The following ARMC12 variants were observed in gnomAD, a reference collection of about 807,000 sequenced individuals.
The protein encoded by ARMC12 is armadillo repeat-containing protein 12.
In ARMC12, 25 loss-of-function variants were observed where a neutral mutation model predicts 37.4. That is an observed-to-expected ratio of 0.67 (90% CI 0.49 to 0.93). ARMC12 has a LOEUF of 0.93. Among genes scored for constraint, ARMC12 ranks in the 40% least tolerant of loss-of-function variants. The pLI is 0.00. For synonymous variants in ARMC12, 167 were observed against 176.1 expected (o/e 0.95, Z 0.41); for missense variants, 384 against 426.6 (o/e 0.90, Z 0.88).
intron 3 of ARMC12, among the ~76,000 whole-genome samples, chr6:35,743,977 T>C (rs947934503): frequency 1.3e-5 from 2 of 149,980 alleles, no homozygotes; most frequent in Non-Finnish European, 3.0e-5. Context: ...AAAAAGAAAA[T>C]CTTTTGAGAT....
At chr6:35,748,269 A>G (rs899387227) in intron 5 of ARMC12, among the ~76,000 whole-genome samples, 1 of 152,332 alleles carries the variant, frequency 6.6e-6, no homozygotes, top group South Asian at 2.1e-4. Context: ...AAGCACACAC[A>G]CAATACTTAA....
At chr6:35,735,860 C>T (rs1391012585), upstream of ARMC12, 3 of 152,372 alleles carry the variant, frequency 2.0e-5, no homozygotes, top group East Asian at 1.9e-4. The surrounding 1 kb of genome is among the most constrained non-coding windows in gnomAD (Gnocchi z 4.0). Context: ...TCACAAGCCG[C>T]CTCATATCCC....
intron 3 of ARMC12, among the ~76,000 whole-genome samples, chr6:35,740,651 C>A (rs114498464): frequency 1.6e-3 from 242 of 152,316 alleles, no homozygotes; most frequent in African/African-American, 5.1e-3. Context: ...CTGCCTCCCC[C>A]ACCAGAGGCA....
intron 3 of ARMC12, among the ~76,000 whole-genome samples, chr6:35,740,897 G>GTTTTTTTTTT (rs11365534): frequency 8.6e-6 from 1 of 116,396 alleles, no homozygotes; most frequent in African/African-American, 3.4e-5. Flanking sequence ...CTTCCTTCTG[G>GTTTTTTTTTT]TTTTTTTTTT....
chr6:35,746,566 G>C (rs1767343024), intron 3 of ARMC12, among the ~76,000 whole-genome samples: 1 of 152,188 alleles, frequency 6.6e-6, no homozygotes, highest in African/African-American at 2.4e-5. Context: ...AGGGAGACAG[G>C]AGGCTATTGC....
the ARMC12 span, among the ~76,000 whole-genome samples, chr6:35,731,877 A>AC: frequency 1.3e-5 from 2 of 151,694 alleles, no homozygotes; most frequent in African/African-American, 4.8e-5. Flanking sequence ...GAAGGATGGG[A>AC]CCCCCGCCTA....
At chr6:35,747,162 C>A in intron 3 of ARMC12, 99 bp from the exon 4 acceptor site, 1 of 1,401,572 alleles carries the variant, frequency 7.1e-7, no homozygotes. Context: ...TTGGGTTTGG[C>A]CCAGGGGACA....
Position 35,748,864 on chromosome 6 carries a change from G to A in ARMC12, c.1017G>A (p.Thr339=), listed in dbSNP as rs61731466. The A allele has an allele frequency of 0.019, 31,132 of 1,607,604 alleles. 955 individuals carry two copies. The highest frequency in any genetic ancestry group is 0.14 in the African/African-American group (10,663 of 74,584). The change falls in exon 6 of 6, where the codon ACG becomes ACA. Residue 339 remains threonine, a synonymous_variant. Transcript: ENST00000373866. ...CCAGTCGTTCCTACTTTAAAAACAC[G>A]GAATAAAATTAAGGAGAGCCAATAA... ...CQPSRSYFKN[T]E is the part of the protein sequence containing the mutation.
intron 5 of ARMC12, 65 bp downstream of exon 5, chr6:35,747,712 T>C: frequency 1.3e-6 from 2 of 1,516,002 alleles, no homozygotes; most frequent in East Asian, 2.3e-5. Flanking sequence ...GGAAGAATCA[T>C]GGCATCTCCA....
At chr6:35,744,068 A>T (rs1328070627) in intron 3 of ARMC12, among the ~76,000 whole-genome samples, 1 of 152,228 alleles carries the variant, frequency 6.6e-6, no homozygotes, top group Non-Finnish European at 1.5e-5. Flanking sequence ...TATTAAAATT[A>T]AAAACATTTG....
chr6:35,737,421 G>A (rs1321296676), intron 1 of ARMC12, 150 bp downstream of exon 1: 31 of 1,594,732 alleles, frequency 1.9e-5, no homozygotes, highest in South Asian at 1.3e-4. Flanking sequence ...ACCCTGCAGC[G>A]TCCTAGGCAA....
At chr6:35,738,292 G>T (rs1307334455) in intron 2 of ARMC12, 92 bp from the exon 3 acceptor site, 5 of 1,430,282 alleles carry the variant, frequency 3.5e-6, no homozygotes, top group Non-Finnish European at 3.8e-6. Flanking sequence ...GCGGTGGGGG[G>T]GGGGTGTGCG....
rs562141313 is a variant in ARMC12, at chr6:35,738,290, G to A, written c.310-94G>A. On this transcript the variant is annotated intron_variant, in intron 2 of 5. Coordinates refer to ENST00000373866, the MANE Select transcript of ARMC12 (RefSeq NM_001286574.2). Reference sequence around the variant, plus strand: ...CCTCTCTCTGGCTGATAGCGGTGGGGGGGGGGTGTGCGGAGGGATCTTGGT... The same window carrying A: ...CCTCTCTCTGGCTGATAGCGGTGGGAGGGGGGTGTGCGGAGGGATCTTGGT... The A allele has an allele frequency of 2.4e-5, 34 of 1,433,722 alleles. No homozygotes were observed. In the South Asian group the frequency reaches 4.1e-4, roughly 17 times the overall value. 88.8% of individuals were successfully genotyped at this position (1,433,722 alleles called of 1,614,324 possible).
chr6:35,734,834 A>T (rs1319522893), upstream of ARMC12, among the ~76,000 whole-genome samples: 2 of 152,074 alleles, frequency 1.3e-5, no homozygotes, highest in Non-Finnish European at 2.9e-5. Flanking sequence ...AAAGAAAACA[A>T]TTATTCCCAA....
At chr6:35,738,296 G>GGGGGGGGGGGGGT in intron 2 of ARMC12, 88 bp from the exon 3 acceptor site, 3 of 1,394,720 alleles carry the variant, frequency 2.2e-6, no homozygotes, top group Admixed American at 2.0e-5. Flanking sequence ...TGGGGGGGGG[G>GGGGGGGGGGGGGT]TGTGCGGAGG....
chr6:35,744,654 C>CT (rs1767282173), intron 3 of ARMC12, among the ~76,000 whole-genome samples: 1 of 151,936 alleles, frequency 6.6e-6, no homozygotes, highest in African/African-American at 2.4e-5. Flanking sequence ...ACTCAGGGGA[C>CT]TGAGAAAGGA....
the ARMC12 span, among the ~76,000 whole-genome samples, chr6:35,731,941 GGCGCCGGGC>G: frequency 4.6e-5 from 7 of 152,316 alleles, no homozygotes; most frequent in East Asian, 1.9e-4. Flanking sequence ...ACTAGGTGCC[GGCGCCGGGC>G]GCGGCGGGAG....
intron 5 of ARMC12, 135 bp downstream of exon 5, chr6:35,747,782 G>A: frequency 1.1e-6 from 1 of 889,220 alleles, no homozygotes; most frequent in Non-Finnish European, 1.7e-6. Flanking sequence ...TAAATGCACT[G>A]AAAATCATGC....
In ARMC12 at chr6:35,737,268, G is replaced by A. The variant is rs765488355; in HGVS notation, c.160G>A (p.Ala54Thr). Residue 54 changes from alanine (A) to threonine (T), a missense_variant, in exon 1 of 6, where the codon GCC becomes ACC. Coordinates refer to ENST00000373866, the MANE Select transcript of ARMC12 (RefSeq NM_001286574.2). ...PLCSNSPICI[A>T]RLAVERERHG... ...CTGTAGCAACTCACCCATCTGCATC[G>A]CCCGTGAGTGTCCGGGCCCTGGGGA... The A allele has an allele frequency of 3.2e-5, 52 of 1,614,092 alleles. No individual in the cohort carries two copies. The highest frequency in any genetic ancestry group is 2.3e-4 in the African/African-American group (17 of 74,930).
Sources: allele counts gnomAD v4.1 joint callset (sites outside exome capture counted in the v4.1 genomes callset), GRCh38; gene constraint gnomAD v4.1.1; non-coding constraint Gnocchi (gnomAD v3.1); transcripts MANE v1.5; gene names NCBI Gene and HGNC (gene_info 2026-07-23, HGNC 2026-07-21).